Variants in TENM4 observed in about 807,000 individuals in gnomAD.
TENM4 encodes teneurin-4.
TENM4 carries 82 observed loss-of-function variants against 243.3 expected under a neutral mutation model. The observed-to-expected ratio is 0.34, with a 90% confidence interval of 0.28 to 0.40. The LOEUF is 0.40. Ranked by LOEUF, TENM4 falls within the 10% of genes least tolerant of loss-of-function variation. TENM4 has a pLI of 1.00. For missense variants in TENM4, 3,138 were observed against 3,673.3 expected (o/e 0.85, Z 3.77); for synonymous variants, 1,412 against 1,456.3 (o/e 0.97, Z 0.69).
At chr11:78,854,029 G>A in intron 12 of TENM4, 75 bp downstream of exon 12, 1 of 1,404,206 alleles carries the variant, frequency 7.1e-7, no homozygotes, top group Non-Finnish European at 9.7e-7. Flanking sequence ...GTCAGTGTCA[G>A]TCCCAGAATC....
Position 78,703,486 on chromosome 11 carries a change from C to A in TENM4, c.4210-1083G>T, listed in dbSNP as rs148769404. ...AAGTGCTGGGCCCCATGTGGAACCT[C>A]CTCTGAGCCAGGCTGGGAAACTGGC... is the stretch of plus-strand genomic sequence containing the variant. On this transcript the variant is annotated intron_variant, in intron 27 of 33. Transcript: ENST00000278550. 9.7e-4 allele frequency among the ~76,000 whole-genome samples: 148 copies of A among 152,298 alleles called. 3 individuals are homozygous for A. The Middle Eastern group carries it at 0.027, about 28-fold the overall frequency.
intron 3 of TENM4, among the ~76,000 whole-genome samples, chr11:79,149,584 C>T (rs1862461394): frequency 6.6e-6 from 1 of 152,054 alleles, no homozygotes; most frequent in South Asian, 2.1e-4. Flanking sequence ...TTACTGAGTT[C>T]TAACTTAATT....
chr11:79,329,536 G>A (rs7102850), intron 1 of TENM4, among the ~76,000 whole-genome samples: 14 of 152,184 alleles, frequency 9.2e-5, no homozygotes, highest in African/African-American at 3.4e-4. Flanking sequence ...GTAGACAGGA[G>A]GACTTGTCTA....
chr11:78,888,174 G>T (rs567751143), intron 9 of TENM4, among the ~76,000 whole-genome samples: 1 of 152,220 alleles, frequency 6.6e-6, no homozygotes, highest in African/African-American at 2.4e-5. Context: ...CCATAGCAGG[G>T]ATGGCAAATA....
chr11:79,400,069 C>A (rs1465046338), intron 1 of TENM4, among the ~76,000 whole-genome samples: 1 of 149,330 alleles, frequency 6.7e-6, no homozygotes, highest in South Asian at 2.1e-4. Flanking sequence ...TCAGTTGATT[C>A]TAAATACCTG....
chr11:79,379,146 A>G (rs1286190250), intron 1 of TENM4, among the ~76,000 whole-genome samples: 1 of 152,126 alleles, frequency 6.6e-6, no homozygotes, highest in Non-Finnish European at 1.5e-5. Flanking sequence ...ACGGGTTAGC[A>G]ATAGGTAGCA....
chr11:79,249,908 C>T (rs746465914), intron 2 of TENM4, among the ~76,000 whole-genome samples: 3 of 152,206 alleles, frequency 2.0e-5, no homozygotes, highest in Non-Finnish European at 2.9e-5. Flanking sequence ...GCAGTAGTGG[C>T]GGCATTACTC....
At chr11:79,165,979 T>C (rs1041400406) in intron 3 of TENM4, among the ~76,000 whole-genome samples, 2 of 152,220 alleles carry the variant, frequency 1.3e-5, no homozygotes, top group Admixed American at 1.3e-4. Flanking sequence ...GGGTTTTCTA[T>C]TCTGTTCCAT....
chr11:79,227,457 A>T (rs114147661), intron 2 of TENM4, among the ~76,000 whole-genome samples: 1,864 of 152,314 alleles, frequency 0.012, 51 homozygotes, highest in African/African-American at 0.043. Flanking sequence ...AAGACTCTGC[A>T]GGCAGGAGCG....
chr11:79,174,019 T>C (rs1368992905), intron 3 of TENM4, among the ~76,000 whole-genome samples: 1 of 152,238 alleles, frequency 6.6e-6, no homozygotes, highest in African/African-American at 2.4e-5. Flanking sequence ...CATCATTTAT[T>C]CCAGGAGTTT....
At chr11:79,163,806 T>TATATATAC (rs573671175) in intron 3 of TENM4, among the ~76,000 whole-genome samples, 2 of 143,500 alleles carry the variant, frequency 1.4e-5, no homozygotes, top group Non-Finnish European at 1.5e-5. Flanking sequence ...CACATATATA[T>TATATATAC]ACACATATAT....
intron 2 of TENM4, among the ~76,000 whole-genome samples, chr11:79,282,639 C>G (rs1265654836): frequency 1.3e-5 from 2 of 152,104 alleles, no homozygotes; most frequent in East Asian, 3.9e-4. Flanking sequence ...GCTATTAATA[C>G]TTGTGGATAT....
At chr11:79,421,986 C>CGCACA (rs1452687312) in intron 1 of TENM4, among the ~76,000 whole-genome samples, 7 of 152,048 alleles carry the variant, frequency 4.6e-5, no homozygotes, top group Admixed American at 4.6e-4. Flanking sequence ...GGGCTCTTAA[C>CGCACA]GCACACCCCA....
chr11:78,658,552 T>C lies in TENM4; in HGVS notation c.7816A>G (p.Asn2606Asp), dbSNP rs202241833. Residue 2606 changes from asparagine to aspartate, a missense_variant, in exon 34 of 34, where the codon AAC becomes GAC. This residue lies in a region of TENM4 where 2,467 missense variants were observed against 3,059.1 expected (regional missense o/e 0.81). Coordinates refer to ENST00000278550, the MANE Select transcript of TENM4 (RefSeq NM_001098816.3). ...AILNHAHYLE[N>D]LHFTIDGVDT... The stretch of plus-strand genomic sequence containing the variant: ...ACCCCATCAATGGTGAAGTGCAGGT[T>C]CTCTAGGTAGTGGGCATGGTTCAAG... 6 of 1,613,866 alleles carry C rather than the reference T, an allele frequency of 3.7e-6. No individual in the cohort carries two copies. Among genetic ancestry groups the C allele is most frequent in the Non-Finnish European group, 5.1e-6 (6 of 1,179,892 alleles).
chr11:79,024,243 C>G (rs1295955037), intron 6 of TENM4, among the ~76,000 whole-genome samples: 2 of 152,194 alleles, frequency 1.3e-5, no homozygotes, highest in African/African-American at 4.8e-5. Context: ...TTGGCTGTGC[C>G]TCAGGATCTT....
intron 30 of TENM4, among the ~76,000 whole-genome samples, chr11:78,673,043 G>A (rs1489874148): frequency 6.6e-6 from 1 of 151,776 alleles, no homozygotes; most frequent in Non-Finnish European, 1.5e-5. Flanking sequence ...TCTGCCTGTG[G>A]GCCGAATGGG....
chr11:78,702,529 C>CAAG, intron 27 of TENM4, 126 bp from the exon 28 acceptor site: 1 of 1,142,940 alleles, frequency 8.7e-7, no homozygotes, highest in Non-Finnish European at 1.2e-6. Context: ...GATCCTCATG[C>CAAG]AGCCTATCAT....
Position 78,911,932 on chromosome 11 carries a change from C to T in TENM4, c.494-8409G>A, listed in dbSNP as rs540316601. On this transcript the variant is annotated intron_variant, in intron 6 of 33. Coordinates refer to ENST00000278550, the MANE Select transcript of TENM4 (RefSeq NM_001098816.3). ...CGCTCTGAGTCTCAGGCAGTAGCCACATCCCTCCAGGATACAACAATTTAC... is the reference window on the plus strand; with the variant it reads ...CGCTCTGAGTCTCAGGCAGTAGCCATATCCCTCCAGGATACAACAATTTAC... Among the ~76,000 whole-genome samples the T allele has an allele frequency of 3.3e-4, 50 of 152,324 alleles. No individual in the cohort carries two copies. In the South Asian group the frequency reaches 0.01, roughly 31 times the overall value.
chr11:78,834,738 C>T (rs2136156087), intron 12 of TENM4, among the ~76,000 whole-genome samples: 1 of 152,308 alleles, frequency 6.6e-6, no homozygotes, highest in African/African-American at 2.4e-5. Context: ...GTTGATATCT[C>T]TACGGAACAA....
Sources: gnomAD v4.1 joint callset for allele counts (sites outside exome capture counted in the v4.1 genomes callset) on GRCh38, gnomAD v4.1.1 for gene constraint, gnomAD v4.1.1 regional missense constraint, MANE v1.5 for transcripts, NCBI Gene and HGNC (gene_info 2026-07-23, HGNC 2026-07-21) for gene names.